FAM184A: variants seen among roughly 807,000 people sequenced by gnomAD.
FAM184A encodes family with sequence similarity 184 member A.
In FAM184A, 99 loss-of-function variants were observed where a neutral mutation model predicts 143.8. The observed-to-expected ratio is 0.69, with a 90% CI of 0.58 to 0.81. The LOEUF (loss-of-function observed/expected upper bound fraction) is 0.81. Among genes scored for constraint, FAM184A ranks in the 40% least tolerant of loss-of-function variants. The pLI is 0.00. For missense variants in FAM184A, 1,217 were observed against 1,310.5 expected (o/e 0.93, Z 1.10); for synonymous variants, 427 against 446.4 (o/e 0.96, Z 0.55).
Position 119,094,229 on chromosome 6 carries a change from G to C in FAM184A, c.-202+54849C>G, listed in dbSNP as rs542424273. ...TGGGATTACAGGAGCAAGCCACTGTGCCTGGCCCGACTGCCGTTTTGCTAC... is the reference window on the plus strand; with the variant it reads ...TGGGATTACAGGAGCAAGCCACTGTCCCTGGCCCGACTGCCGTTTTGCTAC... On this transcript the variant is annotated intron_variant, in intron 1 of 16. Transcript: ENST00000352896. Among the ~76,000 whole-genome samples the C allele has an allele frequency of 1.9e-3, 282 of 152,074 alleles. 1 individual carries two copies. The highest frequency in any genetic ancestry group is 6.4e-3 in the African/African-American group (267 of 41,486).
rs373470171 is a variant in FAM184A at position 119,027,605 on chromosome 6, G to A, written c.160-2792C>T. ...ACATTCCAGGCATCTAGCTAGCCCCGGAGGTAATTCAGTAACTTGTTAAAC... is the reference window on the plus strand; with the variant it reads ...ACATTCCAGGCATCTAGCTAGCCCCAGAGGTAATTCAGTAACTTGTTAAAC... On this transcript the variant is annotated intron_variant, in intron 1 of 17. Coordinates refer to ENST00000338891, the MANE Select transcript of FAM184A (RefSeq NM_024581.6). Among the ~76,000 whole-genome samples the A allele has an allele frequency of 2.2e-4, 33 of 152,260 alleles. No individual in the cohort carries two copies. In the East Asian group the frequency reaches 4.4e-3, roughly 21 times the overall value.
At chr6:118,966,974 G>A in intron 14 of FAM184A, 22 bp from the exon 15 acceptor site, 1 of 1,165,366 alleles carries the variant, frequency 8.6e-7, no homozygotes, top group Middle Eastern at 2.2e-4. Context: ...AAAGACTTTA[G>A]CTCATTGATA....
chr6:119,101,469 G>T (rs1300100612), intron 1 of FAM184A, among the ~76,000 whole-genome samples: 1 of 152,126 alleles, frequency 6.6e-6, no homozygotes, highest in African/African-American at 2.4e-5. Context: ...CAGTGACCAA[G>T]ATAAGTTAAA....
At chr6:119,125,543 G>A (rs1277755619) in intron 1 of FAM184A, among the ~76,000 whole-genome samples, 1 of 152,120 alleles carries the variant, frequency 6.6e-6, no homozygotes, top group Non-Finnish European at 1.5e-5. Context: ...TGTGCTAGGT[G>A]TTATTTCCTT....
At chr6:119,034,926 T>C (rs756413636) in intron 1 of FAM184A, among the ~76,000 whole-genome samples, 42 of 152,160 alleles carry the variant, frequency 2.8e-4, no homozygotes, top group Admixed American at 2.3e-3. Context: ...TTACAAAAGG[T>C]TTAGTCCCTA....
At chr6:118,978,639 C>G (rs192806262) in intron 11 of FAM184A, among the ~76,000 whole-genome samples, 1 of 152,280 alleles carries the variant, frequency 6.6e-6, no homozygotes, top group Admixed American at 6.5e-5. Context: ...GAAACAGGGT[C>G]AGACGGCTTT....
intron 7 of FAM184A, chr6:119,006,069 TAGA>T (rs1479720955): frequency 2.6e-6 from 2 of 764,658 alleles, no homozygotes; most frequent in Admixed American, 1.7e-5. Flanking sequence ...CAAACTGGAG[TAGA>T]ATGAGCCCTT....
chr6:119,091,683 A>G (rs148666892), intron 1 of FAM184A, among the ~76,000 whole-genome samples: 75 of 152,352 alleles, frequency 4.9e-4, no homozygotes, highest in African/African-American at 1.7e-3. Flanking sequence ...CATATTCAGA[A>G]CAGGAAACAA....
intron 1 of FAM184A, among the ~76,000 whole-genome samples, chr6:119,044,411 T>C (rs556330115): frequency 6.6e-6 from 1 of 152,244 alleles, no homozygotes; most frequent in Admixed American, 6.5e-5. Flanking sequence ...AGCAAGAGTC[T>C]GTCTCTACGA....
intron 4 of FAM184A, among the ~76,000 whole-genome samples, chr6:119,018,224 GAGACAA>G (rs1360450342): frequency 6.6e-6 from 1 of 152,206 alleles, no homozygotes; most frequent in Admixed American, 6.5e-5. Context: ...CAGAGAGAGA[GAGACAA>G]AGACAGAGAC....
rs756285867 is a variant in FAM184A, at chr6:119,006,450, C to G, written c.1812G>C (p.Val604=). ...TGCAGTAGAATTATGAAATTACCTC[C>G]ACATTTAATAGAGCATCCTTGGTCT... is the stretch of plus-strand genomic sequence containing the variant. ...LKETKDALLN[V]EGELEQERQQ... is the part of the protein sequence containing the mutation. Residue 604 remains valine, a synonymous_variant, in exon 7 of 18, where the codon GTG becomes GTC. Transcript: ENST00000338891. The G allele has an allele frequency of 6.2e-7, 1 of 1,604,144 alleles. No individual in the cohort carries two copies. Among genetic ancestry groups the G allele is most frequent in the Non-Finnish European group, 8.5e-7 (1 of 1,177,198 alleles).
chr6:118,980,275 A>C lies in FAM184A; in HGVS notation c.2164T>G (p.Phe722Val), dbSNP rs1330544852. ...QTSLQQLQAQ[F>V]TQERQRLTQE... ...GTAAGCCGCTGTCGTTCTTGCGTAA[A>C]CTGGGCTTGCAGTTGTTGCAAAGAA... is the stretch of plus-strand genomic sequence containing the variant. Residue 722 changes from phenylalanine (F) to valine (V), a missense_variant, in exon 10 of 18, where the codon TTT becomes GTT. Phe to Val is a conservative substitution (Grantham distance 50). Coordinates refer to ENST00000338891, the MANE Select transcript of FAM184A (RefSeq NM_024581.6). The C allele has an allele frequency of 6.2e-7, 1 of 1,613,948 alleles. No homozygotes were observed. Among genetic ancestry groups the C allele is most frequent in the Non-Finnish European group, 8.5e-7 (1 of 1,179,996 alleles).
intron 9 of FAM184A, among the ~76,000 whole-genome samples, chr6:118,992,682 T>A (rs1784415746): frequency 6.6e-6 from 1 of 152,158 alleles, no homozygotes; most frequent in East Asian, 1.9e-4. Context: ...ATCCCAGCAT[T>A]TTGGAAGGCC....
At chr6:119,068,761 G>T (rs574526200) in intron 1 of FAM184A, among the ~76,000 whole-genome samples, 2 of 151,982 alleles carry the variant, frequency 1.3e-5, no homozygotes, top group Non-Finnish European at 2.9e-5. Flanking sequence ...CCTTTTACCC[G>T]CTCTACCCCC....
chr6:119,059,089 C>T lies in FAM184A; in HGVS notation c.159+19052G>A, dbSNP rs561157486. ...TCAGCTCACTGCAACCTCCACCTCC[C>T]GGGTTCAAGCAATCCTCCCACCTCA... On this transcript the variant is annotated intron_variant, in intron 1 of 17. Coordinates refer to ENST00000338891, the MANE Select transcript of FAM184A (RefSeq NM_024581.6). Among the ~76,000 whole-genome samples the T allele has an allele frequency of 3.3e-3, 498 of 152,148 alleles. 5 individuals are homozygous for T. Among genetic ancestry groups the T allele is most frequent in the African/African-American group, 0.012 (486 of 41,516 alleles).
At chr6:119,036,475 G>A (rs1222314483) in intron 1 of FAM184A, among the ~76,000 whole-genome samples, 1 of 151,966 alleles carries the variant, frequency 6.6e-6, no homozygotes, top group African/African-American at 2.4e-5. Context: ...AATTATTGCT[G>A]GGAAATCTTT....
At chr6:118,989,449 T>A (rs1391608102) in intron 9 of FAM184A, among the ~76,000 whole-genome samples, 1 of 152,104 alleles carries the variant, frequency 6.6e-6, no homozygotes, top group Non-Finnish European at 1.5e-5. Flanking sequence ...TCAGAAAGAA[T>A]GCAATTTTCT....
intron 14 of FAM184A, among the ~76,000 whole-genome samples, chr6:118,970,662 T>TG (rs1328785611): frequency 6.6e-6 from 1 of 152,154 alleles, no homozygotes; most frequent in Non-Finnish European, 1.5e-5. Flanking sequence ...GCCTTGAGAA[T>TG]ACCACACAAG....
intron 1 of FAM184A, among the ~76,000 whole-genome samples, chr6:119,119,529 CT>C (rs1393401072): frequency 6.6e-6 from 1 of 152,068 alleles, no homozygotes; most frequent in Non-Finnish European, 1.5e-5. Context: ...GCAGGTTCCC[CT>C]GATAATGAGT....
Sources: gnomAD v4.1 joint callset for allele counts (sites outside exome capture counted in the v4.1 genomes callset) on GRCh38, gnomAD v4.1.1 for gene constraint, MANE v1.5 for transcripts, NCBI Gene and HGNC (gene_info 2026-07-23, HGNC 2026-07-21) for gene names.